The following METTL16 variants were observed in gnomAD, a reference collection of about 807,000 sequenced individuals.
METTL16 encodes RNA N(6)-adenosine-methyltransferase METTL16.
Under a neutral mutation model 57.9 loss-of-function variants are expected in METTL16, and 19 were observed. The observed-to-expected ratio is 0.33, with a 90% confidence interval of 0.23 to 0.48. The LOEUF (loss-of-function observed/expected upper bound fraction) is 0.48. Ranked by LOEUF, METTL16 falls within the 20% of genes least tolerant of loss-of-function variation. METTL16 has a pLI of 0.99. For missense variants in METTL16, 434 were observed against 691.5 expected (o/e 0.63, Z 4.18); for synonymous variants, 246 against 255.6 (o/e 0.96, Z 0.36).
chr17:2,447,693 CGG>C (rs2067016229), intron 6 of METTL16, among the ~76,000 whole-genome samples: 1 of 139,278 alleles, frequency 7.2e-6, no homozygotes, highest in Non-Finnish European at 1.6e-5. Flanking sequence ...CCGCCCCGTC[CGG>C]GAGGGGGGAG....
At chr17:2,457,687 G>A (rs1283431010) in intron 6 of METTL16, among the ~76,000 whole-genome samples, 2 of 148,844 alleles carry the variant, frequency 1.3e-5, no homozygotes, top group Admixed American at 1.4e-4. Flanking sequence ...CTCCAGCCTG[G>A]ATGACAGAGC....
At chr17:2,422,357 C>A (rs2066772905) in intron 8 of METTL16, among the ~76,000 whole-genome samples, 1 of 150,686 alleles carries the variant, frequency 6.6e-6, no homozygotes, top group African/African-American at 2.4e-5. Context: ...AAAACAAAAC[C>A]AATGCCACCA....
chr17:2,479,760 T>C (rs2151570291), intron 2 of METTL16, among the ~76,000 whole-genome samples: 1 of 152,070 alleles, frequency 6.6e-6, no homozygotes, highest in Non-Finnish European at 1.5e-5. Flanking sequence ...CAACCCAATC[T>C]CTCTCCACTC....
chr17:2,489,373 G>A (rs1460142646), intron 2 of METTL16, among the ~76,000 whole-genome samples: 3 of 151,900 alleles, frequency 2.0e-5, no homozygotes, highest in Non-Finnish European at 2.9e-5. Flanking sequence ...CTGTGATTTC[G>A]GCCGGGCGCA....
chr17:2,427,125 A>T (rs945218899), intron 8 of METTL16, among the ~76,000 whole-genome samples: 17 of 152,188 alleles, frequency 1.1e-4, no homozygotes, highest in Non-Finnish European at 1.9e-4. Context: ...CAGCCTGGGC[A>T]ACGGAGCAAG....
chr17:2,453,540 G>T (rs1412706119), intron 6 of METTL16, among the ~76,000 whole-genome samples: 1 of 152,202 alleles, frequency 6.6e-6, no homozygotes, highest in African/African-American at 2.4e-5. Context: ...CAGGAGATGA[G>T]CACCTGGTCA....
At chr17:2,423,523 G>C (rs1210554837) in intron 8 of METTL16, among the ~76,000 whole-genome samples, 1 of 152,132 alleles carries the variant, frequency 6.6e-6, no homozygotes, top group African/African-American at 2.4e-5. Context: ...ATTAAGCTGG[G>C]GAAGAAGCGT....
chr17:2,495,694 CAAAA>C (rs58828846), intron 2 of METTL16, among the ~76,000 whole-genome samples: 11 of 114,738 alleles, frequency 9.6e-5, no homozygotes, highest in Admixed American at 1.8e-4. Flanking sequence ...GACTCTGTCT[CAAAA>C]AAAAAAAAAA....
At chr17:2,466,276 T>C (rs1428704834) in intron 5 of METTL16, among the ~76,000 whole-genome samples, 1 of 151,232 alleles carries the variant, frequency 6.6e-6, no homozygotes, top group Non-Finnish European at 1.5e-5. Flanking sequence ...AGGAGTGGAC[T>C]ATGACCTGAG....
chr17:2,493,734 A>C lies in METTL16; in HGVS notation c.128+8470T>G, dbSNP rs190344966. On this transcript the variant is annotated intron_variant, in intron 2 of 9. Coordinates refer to ENST00000263092, the MANE Select transcript of METTL16 (RefSeq NM_024086.4). ...ACTCTGTCTCAAAAAAAAAAAAAAAACCATTGTAAAAATGAAGAACATTCT... is the reference window on the plus strand; with the variant it reads ...ACTCTGTCTCAAAAAAAAAAAAAAACCCATTGTAAAAATGAAGAACATTCT... Among the ~76,000 whole-genome samples, 903 of 150,948 alleles carry C rather than the reference A, an allele frequency of 6.0e-3. 5 individuals are homozygous for C. The highest frequency in any genetic ancestry group is 0.021 in the African/African-American group (855 of 41,090).
chr17:2,447,108 C>T (rs1270671681), intron 6 of METTL16, among the ~76,000 whole-genome samples: 1 of 143,538 alleles, frequency 7.0e-6, no homozygotes, highest in African/African-American at 2.9e-5. Flanking sequence ...GCGTCTCTGC[C>T]CGGCCGCCGT....
intron 6 of METTL16, among the ~76,000 whole-genome samples, chr17:2,456,120 A>G (rs2067108308): frequency 6.6e-6 from 1 of 152,146 alleles, no homozygotes; most frequent in Admixed American, 6.5e-5. Context: ...GGAGCTCACA[A>G]CTGGGAAATG....
At chr17:2,438,284 G>T in intron 7 of METTL16, 86 bp from the exon 8 acceptor site, 2 of 958,928 alleles carry the variant, frequency 2.1e-6, no homozygotes, top group Non-Finnish European at 3.4e-6. Context: ...ATATTATGTT[G>T]ATCCTTCTTT....
intron 8 of METTL16, among the ~76,000 whole-genome samples, chr17:2,426,897 G>A (rs940445769): frequency 1.3e-5 from 2 of 151,670 alleles, no homozygotes; most frequent in Admixed American, 6.6e-5. Context: ...CACTTTTGGA[G>A]GCCAAGGCAG....
intron 4 of METTL16, among the ~76,000 whole-genome samples, chr17:2,469,264 A>G (rs889937208): frequency 1.1e-4 from 16 of 152,084 alleles, no homozygotes; most frequent in African/African-American, 3.9e-4. Context: ...AAATAAATAA[A>G]TAAATAGGCT....
At chr17:2,494,828 T>C (rs2067429421) in intron 2 of METTL16, among the ~76,000 whole-genome samples, 1 of 151,804 alleles carries the variant, frequency 6.6e-6, no homozygotes, top group Admixed American at 6.6e-5. Context: ...TGAAACCCCA[T>C]CTCTACTAAA....
chr17:2,428,165 AC>A (rs1344933289), intron 8 of METTL16, among the ~76,000 whole-genome samples: 2 of 151,902 alleles, frequency 1.3e-5, no homozygotes, highest in Non-Finnish European at 2.9e-5. Flanking sequence ...ACAATGACTA[AC>A]CTGGTACCAT....
intron 1 of METTL16, among the ~76,000 whole-genome samples, chr17:2,508,584 T>C (rs2067565000): frequency 6.6e-6 from 1 of 152,074 alleles, no homozygotes; most frequent in African/African-American, 2.4e-5. Flanking sequence ...TTATCCCACT[T>C]TTCACCCTTC....
intron 8 of METTL16, among the ~76,000 whole-genome samples, chr17:2,428,132 C>A (rs1318813716): frequency 1.3e-5 from 2 of 151,914 alleles, no homozygotes; most frequent in African/African-American, 2.4e-5. Flanking sequence ...TAATTCCTAG[C>A]TCTGCTGAAA....
Sources: gnomAD v4.1 joint callset for allele counts (sites outside exome capture counted in the v4.1 genomes callset) on GRCh38, gnomAD v4.1.1 for gene constraint, MANE v1.5 for transcripts, NCBI Gene and HGNC (gene_info 2026-07-23, HGNC 2026-07-21) for gene names.